Variants in PAK6 observed in about 807,000 individuals in gnomAD.
The protein encoded by PAK6 is serine/threonine-protein kinase PAK 6.
PAK6 carries 33 observed loss-of-function variants against 60.8 expected under a neutral mutation model. That is an observed-to-expected ratio of 0.54 (90% confidence interval 0.41 to 0.73). The LOEUF is 0.73. Among genes scored for constraint, PAK6 ranks in the 30% least tolerant of loss-of-function variants. The pLI is 0.00. For missense variants in PAK6, 845 were observed against 904.1 expected (o/e 0.93, Z 0.84); for synonymous variants, 404 against 378.5 (o/e 1.07, Z -0.78).
At chr15:40,245,609 G>C (rs1217324129) in intron 2 of PAK6, 1 of 152,426 alleles carries the variant, frequency 6.6e-6, no homozygotes, top group African/African-American at 2.4e-5. Flanking sequence ...GCTGCCCCAG[G>C]AAAGAGCTGG....
intron 3 of PAK6, among the ~76,000 whole-genome samples, chr15:40,255,540 G>A (rs143385451): frequency 3.2e-3 from 483 of 152,308 alleles, no homozygotes; most frequent in Non-Finnish European, 4.9e-3. Flanking sequence ...CACAACCTGC[G>A]TCTAGGACCC....
At chr15:40,247,408 TC>T in intron 2 of PAK6, 1 of 151,866 alleles carries the variant, frequency 6.6e-6, no homozygotes, top group South Asian at 2.1e-4. Flanking sequence ...CTCTTGCTGT[TC>T]CCCAGCCCTT....
intron 2 of PAK6, chr15:40,250,943 A>T (rs1316835851): frequency 6.6e-6 from 1 of 152,536 alleles, no homozygotes. Context: ...CGACCAGTGT[A>T]CCCATGTCCT....
At chr15:40,244,390 T>C (rs1159420133) in intron 2 of PAK6, among the ~76,000 whole-genome samples, 3 of 127,642 alleles carry the variant, frequency 2.4e-5, no homozygotes, top group African/African-American at 8.9e-5. Flanking sequence ...TTGTTTTCTC[T>C]TTTTTTCTTT....
intron 5 of PAK6, among the ~76,000 whole-genome samples, chr15:40,269,027 A>C (rs1277905244): frequency 6.6e-6 from 1 of 152,176 alleles, no homozygotes; most frequent in Non-Finnish European, 1.5e-5. Context: ...TGGCTTTATT[A>C]GTAGTATTTG....
At chr15:40,261,210 T>TA (rs1207086629) in intron 3 of PAK6, among the ~76,000 whole-genome samples, 4 of 151,930 alleles carry the variant, frequency 2.6e-5, no homozygotes, top group African/African-American at 9.6e-5. Context: ...TTCATGTTGT[T>TA]ACTGGTATGT....
chr15:40,257,937 A>G lies in PAK6; in HGVS notation c.-6+4648A>G, dbSNP rs554350488. Among the ~76,000 whole-genome samples, 3 of 152,258 alleles carry G rather than the reference A, an allele frequency of 2.0e-5. No individual in the cohort carries two copies. The South Asian group carries it at 6.2e-4, about 32-fold the overall frequency. On this transcript the variant is annotated intron_variant, in intron 3 of 10. Transcript: ENST00000560346. Reference sequence around the variant, plus strand: ...ACTTACTCACCCCCTCCTCAAGCCAAGCCTGTGGGTCGCCTGGCTTCAGGC... The same window carrying G: ...ACTTACTCACCCCCTCCTCAAGCCAGGCCTGTGGGTCGCCTGGCTTCAGGC...
At chr15:40,266,991 A>G (rs1462792943) in intron 5 of PAK6, 1 of 153,796 alleles carries the variant, frequency 6.5e-6, no homozygotes, top group Non-Finnish European at 1.4e-5. Flanking sequence ...AGACTGATAG[A>G]GAGAGGGTGA....
chr15:40,275,843 T>G, intron 10 of PAK6, 84 bp from the exon 11 acceptor site: 1 of 1,341,936 alleles, frequency 7.5e-7, no homozygotes. Context: ...ATTCATGACT[T>G]TCAAACAATG....
At chr15:40,274,947 A>G (rs1225769341) in intron 10 of PAK6, among the ~76,000 whole-genome samples, 3 of 152,126 alleles carry the variant, frequency 2.0e-5, no homozygotes, top group East Asian at 3.9e-4. Flanking sequence ...CTAAAATAGC[A>G]AAAAAACAAG....
intron 5 of PAK6, among the ~76,000 whole-genome samples, chr15:40,271,514 G>A (rs542977367): frequency 6.6e-6 from 1 of 152,144 alleles, no homozygotes; most frequent in African/African-American, 2.4e-5. Context: ...CTCAAGGCTT[G>A]GGTTTGGCTG....
chr15:40,260,505 T>TATTGCCTATTTGCCA (rs1326268993), intron 3 of PAK6: 1 of 152,212 alleles, frequency 6.6e-6, no homozygotes, highest in Non-Finnish European at 1.5e-5. Flanking sequence ...CCTATTTGCC[T>TATTGCCTATTTGCCA]ATTGCCTATT....
At chr15:40,250,074 G>C (rs1297925641) in intron 2 of PAK6, among the ~76,000 whole-genome samples, 1 of 152,272 alleles carries the variant, frequency 6.6e-6, no homozygotes, top group South Asian at 2.1e-4. Context: ...AACAAGGCCA[G>C]AGGGTGGCAC....
intron 2 of PAK6, among the ~76,000 whole-genome samples, chr15:40,244,138 T>C (rs2038432650): frequency 6.6e-6 from 1 of 152,096 alleles, no homozygotes. Context: ...CAGACCATCC[T>C]GGCCAACATG....
At chr15:40,246,037 T>C (rs924905716) in intron 2 of PAK6, 2 of 152,368 alleles carry the variant, frequency 1.3e-5, no homozygotes, top group African/African-American at 4.8e-5. Flanking sequence ...AGTCAAGTGC[T>C]TCCCGAGGAT....
intron 2 of PAK6, among the ~76,000 whole-genome samples, chr15:40,242,470 A>C (rs1390628069): frequency 6.6e-6 from 1 of 152,206 alleles, no homozygotes; most frequent in East Asian, 1.9e-4. Context: ...AGCAGGAAGG[A>C]CACCAGTAAA....
rs1375705472 is a variant in PAK6, at chr15:40,275,943, G to A, written c.1895G>A (p.Arg632Gln). ...CCTCTACAGGTCTCCCCAGTGCTGC[G>A]AGACTTCCTGGAGCGGATGCTGGTG... Residue 632 changes from arginine to glutamine, a missense_variant, in exon 11 of 11, where the codon CGA (arginine) becomes CAA (glutamine). By Grantham distance (43) the Arg-to-Gln change is conservative. Coordinates refer to ENST00000560346, the Ensembl canonical transcript of PAK6. The A allele has an allele frequency of 9.9e-6, 16 of 1,612,916 alleles. No homozygotes were observed. The highest frequency in any genetic ancestry group is 3.3e-4 in the Middle Eastern group (2 of 6,082).
chr15:40,240,672 A>T, exon 2 of PAK6: 1 of 445,512 alleles, frequency 2.2e-6, no homozygotes, highest in Non-Finnish European at 4.4e-6. Context: ...GCCCAGAAGG[A>T]GCAGCCACGG....
intron 3 of PAK6, among the ~76,000 whole-genome samples, chr15:40,261,230 G>C (rs559136123): frequency 3.1e-4 from 46 of 150,292 alleles, no homozygotes; most frequent in Middle Eastern, 6.8e-3. Context: ...TAGAAATCCA[G>C]TTGATTTTTT....
Sources: gnomAD v4.1 joint callset for allele counts (sites outside exome capture counted in the v4.1 genomes callset) on GRCh38, gnomAD v4.1.1 for gene constraint, MANE v1.5 for transcripts, NCBI Gene and HGNC (gene_info 2026-07-23, HGNC 2026-07-21) for gene names.